EIF3D: variants seen among roughly 807,000 people sequenced by gnomAD.
EIF3D encodes eIF3 p66.
A neutral mutation model predicts 75.4 loss-of-function variants in EIF3D; 10 were observed. The observed-to-expected ratio is 0.13, with a 90% CI of 0.08 to 0.22. The LOEUF (loss-of-function observed/expected upper bound fraction) is 0.22. EIF3D is among the 10% of genes least tolerant of loss of function. The pLI is 1.00. For missense variants in EIF3D, 394 were observed against 708.0 expected (o/e 0.56, Z 5.03); for synonymous variants, 246 against 248.3 (o/e 0.99, Z 0.09).
intron 10 of EIF3D, chr22:36,517,015 A>AT: frequency 6.5e-6 from 4 of 613,374 alleles, no homozygotes; most frequent in South Asian, 2.0e-5. Context: ...TCTCTACTTC[A>AT]TTTTTTTGCC....
At chr22:36,519,587 G>GT (rs1311559761) in intron 7 of EIF3D, 50 bp from the exon 8 acceptor site, 3 of 1,606,122 alleles carry the variant, frequency 1.9e-6, no homozygotes, top group South Asian at 2.2e-5. Flanking sequence ...ATAACCCCCA[G>GT]TTTTTTCTTT....
chr22:36,529,073 C>T lies in EIF3D; in HGVS notation c.-11+3G>A, dbSNP rs774024318. Reference sequence around the variant, plus strand: ...GCAGGAACCTATGAAACACGCCGCTCACCTGCAATGGCCTCGGCCGGCCGG... The same window carrying T: ...GCAGGAACCTATGAAACACGCCGCTTACCTGCAATGGCCTCGGCCGGCCGG... On this transcript the variant is annotated splice_donor_region_variant and intron_variant, in intron 1 of 14. Coordinates refer to ENST00000216190, the MANE Select transcript of EIF3D (RefSeq NM_003753.4). 1.3e-4 allele frequency: 49 copies of T among 390,294 alleles called. No homozygotes were observed. The highest frequency in any genetic ancestry group is 2.5e-4 in the African/African-American group (12 of 48,454). 24.2% of individuals were successfully genotyped at this position (390,294 alleles called of 1,614,324 possible).
chr22:36,523,168 G>A, intron 6 of EIF3D, 41 bp downstream of exon 6: 1 of 1,532,536 alleles, frequency 6.5e-7, no homozygotes, highest in Non-Finnish European at 9.0e-7. Context: ...CAAATAAACA[G>A]AACCAAATTC....
intron 6 of EIF3D, 40 bp from the exon 7 acceptor site, chr22:36,520,728 C>A: frequency 7.1e-7 from 1 of 1,404,300 alleles, no homozygotes; most frequent in South Asian, 1.2e-5. Flanking sequence ...AAGTTATAGT[C>A]CATACAAAAC....
chr22:36,511,894 CTTTTTT>C lies in EIF3D; in HGVS notation c.1350-114_1350-109del, dbSNP rs3076235. On this transcript the variant is annotated intron_variant, in intron 13 of 14. Coordinates refer to ENST00000216190, the MANE Select transcript of EIF3D (RefSeq NM_003753.4). ...GATACCTGGTCCACTGCTATTTTTT[CTTTTTT>C]TTTTTTTTGAGACGGAGTCTGGCTC... 1.1e-5 allele frequency: 14 copies of C among 1,269,612 alleles called. 1 individual carries two copies. The South Asian group carries it at 1.5e-4, about 13-fold the overall frequency. The allele number at this position is 1,269,612 out of a possible 1,614,324, so 78.6% of individuals were successfully genotyped here.
chr22:36,512,035 C>T (rs375396401), intron 13 of EIF3D, among the ~76,000 whole-genome samples: 172 of 151,800 alleles, frequency 1.1e-3, no homozygotes, highest in African/African-American at 3.9e-3. Flanking sequence ...GGGCTACAGG[C>T]GCCCGCCACT....
Position 36,512,534 on chromosome 22 carries a change from C to T in EIF3D, c.1275G>A (p.Leu425=). 1 of 1,614,218 alleles carries T rather than the reference C, an allele frequency of 6.2e-7. No individual in the cohort carries two copies. Among genetic ancestry groups the T allele is most frequent in the Non-Finnish European group, 8.5e-7 (1 of 1,180,042 alleles). The change falls in exon 13 of 15, where the codon CTG becomes CTA. Residue 425 remains leucine (L), a synonymous_variant. Coordinates refer to ENST00000216190, the MANE Select transcript of EIF3D (RefSeq NM_003753.4). ...SQRGAVIATE[L]KNNSYKLARW... ...GGGCCAACTTGTAGCTGTTGTTCTT[C>T]AGCTCCGTGGCAATGACAGCCCCTC...
In EIF3D at chr22:36,516,284, C is replaced by G. The variant is rs996858672; in HGVS notation, c.1206+194G>C. The G allele has an allele frequency of 6.4e-6, 4 of 625,358 alleles. No homozygotes were observed. The African/African-American group carries it at 7.3e-5, about 11-fold the overall frequency. The allele number at this position is 625,358 out of a possible 1,614,324, so 38.7% of individuals were successfully genotyped here. On this transcript the variant is annotated intron_variant, in intron 12 of 14. Transcript: ENST00000216190. ...TCTTAACACTTAACATAGTTCTACACACACAGTCATGCTCTTTCTCAGCAA... is the reference window on the plus strand; with the variant it reads ...TCTTAACACTTAACATAGTTCTACAGACACAGTCATGCTCTTTCTCAGCAA...
Position 36,511,739 on chromosome 22 carries a change from AGGATGACGT to A in EIF3D, c.1388_1396del (p.His463_Ile465del), listed in dbSNP as rs770968491. 6.2e-7 allele frequency: 1 copy of A among 1,614,104 alleles called. No individual in the cohort carries two copies. The highest frequency in any genetic ancestry group is 8.5e-7 in the Non-Finnish European group (1 of 1,180,002). The stretch of plus-strand genomic sequence containing the variant: ...ATTAGGCTTGAACTGCTGGGTGCCT[AGGATGACGT>A]GGCGTGAGGAGTCTTTCACGTGGTA... On this transcript the variant is annotated inframe_deletion, in exon 14 of 15. Transcript: ENST00000216190.
rs147673186 is a variant in EIF3D at position 36,511,686 on chromosome 22, C to T, written c.1450G>A (p.Val484Met). 2.2e-5 allele frequency: 36 copies of T among 1,614,134 alleles called. No individual in the cohort carries two copies. The highest frequency in any genetic ancestry group is 1.6e-4 in the Middle Eastern group (1 of 6,062). Residue 484 changes from valine (V) to methionine (M), a missense_variant, in exon 14 of 15, where the codon GTG (valine) becomes ATG (methionine). By Grantham distance (21) the Val-to-Met change is conservative. Coordinates refer to ENST00000216190, the MANE Select transcript of EIF3D (RefSeq NM_003753.4). ...CGTAAAATGCCCCAGGCATTCTCCACGCTCAGGTTGATCTGGCTGGCAAAC... is the reference window on the plus strand; with the variant it reads ...CGTAAAATGCCCCAGGCATTCTCCATGCTCAGGTTGATCTGGCTGGCAAAC... ...NEFASQINLS[V>M]ENAWGILRCV... is the part of the protein sequence containing the mutation.
intron 12 of EIF3D, among the ~76,000 whole-genome samples, chr22:36,515,843 G>A (rs914476735): frequency 2.0e-5 from 3 of 149,548 alleles, no homozygotes; most frequent in Admixed American, 6.7e-5. Context: ...AAAGGCCGCT[G>A]GCCCCAGAGC....
In EIF3D at chr22:36,512,447, A is replaced by C; in HGVS notation, c.1349+13T>G. ...CACAAGATCAGCTGCCAGCTCCTGC[A>C]CAGGAATCTCACCCAAGCTTGAGGT... is the stretch of plus-strand genomic sequence containing the variant. On this transcript the variant is annotated intron_variant, in intron 13 of 14. Transcript: ENST00000216190. 6.2e-7 allele frequency: 1 copy of C among 1,613,960 alleles called. No individual in the cohort carries two copies. Among genetic ancestry groups the C allele is most frequent in the East Asian group, 2.2e-5 (1 of 44,882 alleles).
chr22:36,525,894 T>C (rs959013573), intron 2 of EIF3D, 105 bp downstream of exon 2: 3 of 1,510,704 alleles, frequency 2.0e-6, no homozygotes. Flanking sequence ...GGCATCCCTA[T>C]AAGAAATTCA....
chr22:36,511,481 C>T (rs1435559146), intron 14 of EIF3D, 22 bp downstream of exon 14: 2 of 1,613,130 alleles, frequency 1.2e-6, no homozygotes, highest in South Asian at 1.1e-5. Context: ...CTCTAGACCT[C>T]AGAAAGTGGG....
At chr22:36,525,538 C>CTT in intron 3 of EIF3D, 126 bp downstream of exon 3, 1 of 1,127,138 alleles carries the variant, frequency 8.9e-7, no homozygotes, top group Non-Finnish European at 1.3e-6. Context: ...GAATACATCC[C>CTT]TAAAAGTTAT....
intron 9 of EIF3D, 144 bp from the exon 10 acceptor site, chr22:36,517,575 T>G (rs1568999264): frequency 2.2e-6 from 2 of 912,226 alleles, no homozygotes; most frequent in African/African-American, 3.5e-5. Context: ...CTCCCTGGTG[T>G]GGAACACATA....
At chr22:36,526,158 C>A in intron 1 of EIF3D, 27 bp from the exon 2 acceptor site, 1 of 1,569,342 alleles carries the variant, frequency 6.4e-7, no homozygotes. Context: ...ATGTGAGTAG[C>A]GGCATGAACG....
rs950935992 is a variant in EIF3D at position 36,517,182 on chromosome 22, T to C, written c.990+119A>G. 7.5e-6 allele frequency: 10 copies of C among 1,335,336 alleles called. No individual in the cohort carries two copies. In the African/African-American group the frequency reaches 1.3e-4, roughly 18 times the overall value. 82.7% of individuals were successfully genotyped at this position (1,335,336 alleles called of 1,614,324 possible). A position where few individuals can be genotyped will look rare whatever the true frequency, so the allele number is the denominator to read the frequency against. On this transcript the variant is annotated intron_variant, in intron 10 of 14. Coordinates refer to ENST00000216190, the MANE Select transcript of EIF3D (RefSeq NM_003753.4). ...AGGCATGTAACTCCCCTGCTAAAGG[T>C]GGGGACTGCGTCTGACCTGCTCAGT...
chr22:36,516,280 TACAC>T, intron 12 of EIF3D, 194 bp downstream of exon 12: 1 of 613,462 alleles, frequency 1.6e-6, no homozygotes, highest in Admixed American at 3.1e-5. Flanking sequence ...AACATAGTTC[TACAC>T]ACACAGTCAT....
Sources: allele counts gnomAD v4.1 joint callset (sites outside exome capture counted in the v4.1 genomes callset), GRCh38; gene constraint gnomAD v4.1.1; transcripts MANE v1.5; gene names NCBI Gene and HGNC (gene_info 2026-07-23, HGNC 2026-07-21).